PIGN: variants seen among roughly 807,000 people sequenced by gnomAD.
PIGN encodes GPI ethanolamine phosphate transferase 1.
PIGN carries 117 observed loss-of-function variants against 125.4 expected under a neutral mutation model. The observed-to-expected ratio is 0.93, with a 90% CI of 0.80 to 1.09. PIGN has a LOEUF of 1.09. PIGN is among the 50% of genes least tolerant of loss of function. The pLI, the probability that PIGN is intolerant of heterozygous loss-of-function variation, is 0.00. For synonymous variants in PIGN, 392 were observed against 377.8 expected (o/e 1.04, Z -0.44); for missense variants, 1,075 against 1,094.9 (o/e 0.98, Z 0.26).
Position 62,101,134 on chromosome 18 carries a change from C to A in PIGN, c.2018G>T (p.Ser673Ile), listed in dbSNP as rs766943103. The change falls in exon 22 of 31, where the codon AGT becomes ATT. Residue 673 changes from serine (S) to isoleucine (I), a missense_variant. Physicochemically the swap from Ser to Ile is moderately radical, Grantham distance 142 (BLOSUM62 -2). This residue lies in a region of PIGN where 915 missense variants were observed against 908.7 expected (regional missense o/e 1.01). Coordinates refer to ENST00000640252, the MANE Select transcript of PIGN (RefSeq NM_176787.5). ...SMYVVYSTQS[S>I]LLRKQGLPLM... ...AGGCAGTCCTTGCTTCCTGAGTAGA[C>A]TACTCTGAGTGCTATACACAACATA... 2 of 1,612,074 alleles carry A rather than the reference C, an allele frequency of 1.2e-6. No individual in the cohort carries two copies. Among genetic ancestry groups the A allele is most frequent in the Non-Finnish European group, 1.7e-6 (2 of 1,178,648 alleles).
intron 1 of PIGN, among the ~76,000 whole-genome samples, chr18:62,167,015 T>G (rs529886184): frequency 2.8e-4 from 43 of 152,304 alleles, no homozygotes; most frequent in African/African-American, 1.0e-3. Context: ...CATGTATACC[T>G]ACGTAACAAA....
At chr18:62,047,791 CA>C (rs1455060574) in intron 30 of PIGN, among the ~76,000 whole-genome samples, 1 of 152,050 alleles carries the variant, frequency 6.6e-6, no homozygotes, top group Non-Finnish European at 1.5e-5. Context: ...GAAAATCACT[CA>C]CCACATCAAG....
At chr18:62,076,039 G>C (rs945896706) in intron 28 of PIGN, 1 of 151,962 alleles carries the variant, frequency 6.6e-6, no homozygotes, top group East Asian at 1.9e-4. Context: ...GGGTTCAAGC[G>C]ATTCTCCTGC....
chr18:62,140,569 C>T (rs1568220782), intron 11 of PIGN, 90 bp from the exon 12 acceptor site: 11 of 639,980 alleles, frequency 1.7e-5, no homozygotes, highest in Non-Finnish European at 2.2e-5. Flanking sequence ...GGAAAATAAC[C>T]ATGATATTTG....
At chr18:62,084,755 G>A (rs1430746389) in intron 26 of PIGN, 149 bp from the exon 27 acceptor site, 11 of 647,262 alleles carry the variant, frequency 1.7e-5, no homozygotes, top group Admixed American at 7.8e-5. Context: ...TAAAATGAAC[G>A]CAGTAGATCC....
At chr18:62,182,175 T>TCTTCTCACTCTACA (rs1473711922) in intron 1 of PIGN, among the ~76,000 whole-genome samples, 1 of 152,238 alleles carries the variant, frequency 6.6e-6, no homozygotes, top group Non-Finnish European at 1.5e-5. Context: ...AGCTGTCTTT[T>TCTTCTCACTCTACA]CTTCTCACTC....
At chr18:62,070,345 C>CAAATGAAA (rs2032771474) in intron 30 of PIGN, 1 of 398,188 alleles carries the variant, frequency 2.5e-6, no homozygotes, top group South Asian at 1.3e-4. Flanking sequence ...GTATAAGAGA[C>CAAATGAAA]AAATGAAAAC....
At chr18:62,038,276 TAGAG>T (rs1446166997), downstream of PIGN, among the ~76,000 whole-genome samples, 6 of 149,650 alleles carry the variant, frequency 4.0e-5, no homozygotes, top group Non-Finnish European at 7.4e-5. Context: ...ACCGTGTTCT[TAGAG>T]AGATCAGTGA....
At chr18:62,021,598 G>A (rs953444869) in intron 23 of PIGN, among the ~76,000 whole-genome samples, 12 of 152,196 alleles carry the variant, frequency 7.9e-5, no homozygotes, top group Non-Finnish European at 1.0e-4. Context: ...GGGGCTGCTG[G>A]CAAACATGCT....
chr18:62,171,054 GT>G (rs2037329618), intron 1 of PIGN, among the ~76,000 whole-genome samples: 1 of 152,182 alleles, frequency 6.6e-6, no homozygotes, highest in Non-Finnish European at 1.5e-5. Flanking sequence ...ATGACATTCT[GT>G]TTGGAATGGA....
At chr18:62,067,633 T>TGTAGTTGAGTTCATCACTTAC (rs2032600834) in intron 30 of PIGN, among the ~76,000 whole-genome samples, 1 of 152,214 alleles carries the variant, frequency 6.6e-6, no homozygotes, top group Non-Finnish European at 1.5e-5. Context: ...TAGTCATCCA[T>TGTAGTTGAGTTCATCACTTAC]GTAGTTGAGT....
intron 19 of PIGN, 117 bp downstream of exon 19, chr18:62,106,672 C>G (rs1355406658): frequency 3.0e-6 from 2 of 677,812 alleles, no homozygotes; most frequent in East Asian, 5.4e-5. Context: ...TGACTAGGCT[C>G]TTTTATGTAA....
rs2033502495 is a variant in PIGN, at chr18:62,082,647, A to G, written c.2576+26T>C. ...CATCTCCTAAAAATAGGCAAATCAA[A>G]TGTTTCTTAAACTAATTCATCTTAC... is the stretch of plus-strand genomic sequence containing the variant. On this transcript the variant is annotated intron_variant, in intron 28 of 30. Coordinates refer to ENST00000640252, the MANE Select transcript of PIGN (RefSeq NM_176787.5). 3 of 1,307,742 alleles carry G rather than the reference A, an allele frequency of 2.3e-6. No individual in the cohort carries two copies. In the Admixed American group the frequency reaches 6.1e-5, roughly 27 times the overall value. 81.0% of individuals were successfully genotyped at this position (1,307,742 alleles called of 1,614,324 possible). A position where few individuals can be genotyped will look rare whatever the true frequency, so the allele number is the denominator to read the frequency against.
intron 30 of PIGN, among the ~76,000 whole-genome samples, chr18:62,065,692 C>T (rs1278729821): frequency 3.3e-5 from 5 of 151,758 alleles, no homozygotes; most frequent in African/African-American, 9.7e-5. Context: ...GCCGAGATCG[C>T]GCCACTGCAC....
intron 14 of PIGN, among the ~76,000 whole-genome samples, chr18:62,117,550 C>G (rs998702565): frequency 1.4e-5 from 2 of 145,390 alleles, no homozygotes; most frequent in Non-Finnish European, 3.2e-5. Context: ...CTCAGCCCCC[C>G]CCTCTAAAAA....
intron 30 of PIGN, chr18:62,056,950 A>T (rs1351931823): frequency 1.3e-5 from 2 of 152,204 alleles, no homozygotes; most frequent in African/African-American, 4.8e-5. Context: ...AATATAACGA[A>T]TGCCTGATGA....
At position 62,074,849 on chromosome 18, in the gene PIGN, A is replaced by C. The variant is rs765870217; in HGVS notation, c.2577-28T>G. ...GGAAAAAAAAAGAAGGAAAAATTACATCTAATACAACAGGTGCATTTTTCA... is the reference window on the plus strand; with the variant it reads ...GGAAAAAAAAAGAAGGAAAAATTACCTCTAATACAACAGGTGCATTTTTCA... On this transcript the variant is annotated intron_variant, in intron 28 of 30. Transcript: ENST00000640252. 17 of 1,505,240 alleles carry C rather than the reference A, an allele frequency of 1.1e-5. No individual in the cohort carries two copies. The East Asian group carries it at 3.2e-4, about 28-fold the overall frequency. The allele number at this position is 1,505,240 out of a possible 1,614,324, so 93.2% of individuals were successfully genotyped here. A position where few individuals can be genotyped will look rare whatever the true frequency, so the allele number is the denominator to read the frequency against.
chr18:62,025,572 C>T (rs1038095491), intron 23 of PIGN, among the ~76,000 whole-genome samples: 3 of 152,214 alleles, frequency 2.0e-5, no homozygotes, highest in Admixed American at 6.5e-5. Flanking sequence ...TTAGCACTCC[C>T]ATATGTGTCT....
At chr18:62,132,033 AGG>A (rs1489566012) in intron 14 of PIGN, among the ~76,000 whole-genome samples, 1 of 152,184 alleles carries the variant, frequency 6.6e-6, no homozygotes, top group Non-Finnish European at 1.5e-5. Context: ...CTTATACAAA[AGG>A]AAAGACTTTA....
Sources: allele counts gnomAD v4.1 joint callset (sites outside exome capture counted in the v4.1 genomes callset), GRCh38; gene constraint gnomAD v4.1.1; regional missense constraint gnomAD v4.1.1; transcripts MANE v1.5; gene names NCBI Gene and HGNC (gene_info 2026-07-23, HGNC 2026-07-21).